The following GRAMD2B variants were observed in gnomAD, a reference collection of about 807,000 sequenced individuals.
GRAMD2B encodes the protein GRAM domain-containing protein 2B.
A neutral mutation model predicts 59.2 loss-of-function variants in GRAMD2B; 41 were observed. The ratio of observed to expected loss-of-function variants is 0.69; its 90% CI spans 0.54 to 0.90. GRAMD2B has a LOEUF of 0.90. Ranked by LOEUF, GRAMD2B falls within the 40% of genes least tolerant of loss-of-function variation. The pLI, the probability that GRAMD2B is intolerant of heterozygous loss-of-function variation, is 0.00. For synonymous variants in GRAMD2B, 161 were observed against 182.7 expected, an observed-to-expected ratio of 0.88 and a Z score of 0.96; for missense variants, 424 against 500.5, an observed-to-expected ratio of 0.85 and a Z score of 1.46.
intron 1 of GRAMD2B, among the ~76,000 whole-genome samples, chr5:126,360,677 A>T (rs528127684): frequency 5.9e-5 from 9 of 152,294 alleles, no homozygotes; most frequent in African/African-American, 1.4e-4. Context: ...CCCTGATACA[A>T]GTACATTTTG....
chr5:126,416,733 T>G (rs1759297602), intron 1 of GRAMD2B, among the ~76,000 whole-genome samples: 1 of 152,176 alleles, frequency 6.6e-6, no homozygotes, highest in African/African-American at 2.4e-5. Flanking sequence ...GGTCTGTACC[T>G]TCGCTCTTCC....
intron 5 of GRAMD2B, among the ~76,000 whole-genome samples, chr5:126,475,602 T>C (rs1453173338): frequency 6.6e-6 from 1 of 152,212 alleles, no homozygotes; most frequent in African/African-American, 2.4e-5. Context: ...TCTTCCAGCC[T>C]AGATCATTGA....
intron 1 of GRAMD2B, among the ~76,000 whole-genome samples, chr5:126,389,617 A>T (rs1435643027): frequency 6.6e-6 from 1 of 152,240 alleles, no homozygotes; most frequent in Non-Finnish European, 1.5e-5. Flanking sequence ...TTCACAGCGT[A>T]AGATTATTAT....
intron 1 of GRAMD2B, among the ~76,000 whole-genome samples, chr5:126,436,376 C>T (rs918639361): frequency 6.6e-5 from 10 of 152,098 alleles, no homozygotes; most frequent in African/African-American, 1.2e-4. Flanking sequence ...AGGCCCGGTG[C>T]GGTGACTCAC....
intron 13 of GRAMD2B, among the ~76,000 whole-genome samples, chr5:126,491,798 A>G (rs974473819): frequency 1.3e-5 from 2 of 151,826 alleles, no homozygotes; most frequent in African/African-American, 2.4e-5. Flanking sequence ...CAGTGCCGCA[A>G]TCTTGGCTCA....
chr5:126,446,000 A>G (rs1764152326), intron 1 of GRAMD2B, among the ~76,000 whole-genome samples: 1 of 152,058 alleles, frequency 6.6e-6, no homozygotes, highest in African/African-American at 2.4e-5. Flanking sequence ...GAGAACAGGA[A>G]CTCTCCCAAG....
In GRAMD2B at chr5:126,423,534, C is replaced by G; in HGVS notation, c.-73C>G. The G allele has an allele frequency of 6.4e-7, 1 of 1,565,288 alleles. No homozygotes were observed. Among genetic ancestry groups the G allele is most frequent in the South Asian group, 1.2e-5 (1 of 84,986 alleles). On this transcript the variant is annotated 5_prime_UTR_variant, in exon 1 of 14. Coordinates refer to ENST00000285689, the MANE Select transcript of GRAMD2B (RefSeq NM_023927.4). ...CGCTTGCTTGGCCTGCGCACCCGGA[C>G]CTAGAAGCCGGGACGAGCCGGGGCA...
At chr5:126,485,854 CTA>C in intron 11 of GRAMD2B, 81 bp downstream of exon 11, 2 of 799,242 alleles carry the variant, frequency 2.5e-6, no homozygotes, top group South Asian at 1.7e-5. Flanking sequence ...CTGCCAAGAC[CTA>C]CTGTAAATCT....
intron 1 of GRAMD2B, among the ~76,000 whole-genome samples, chr5:126,403,112 A>C (rs2112480): frequency 0.8 from 121,385 of 151,800 alleles, 49,077 homozygotes; most frequent in Non-Finnish European, 0.86. Flanking sequence ...AGCCAGTTCT[A>C]CATCTCTCTG....
Position 126,414,878 on chromosome 5 carries a change from A to G in GRAMD2B, c.125+43311A>G, listed in dbSNP as rs191274409. Among the ~76,000 whole-genome samples the G allele has an allele frequency of 1.5e-3, 231 of 152,238 alleles. 1 individual carries two copies. The highest frequency in any genetic ancestry group is 5.2e-3 in the African/African-American group (215 of 41,566). The stretch of plus-strand genomic sequence containing the variant: ...AGACTTCAATAACTACCCTCTCCTC[A>G]TGAAAATTTTTTTAAGGTTTTGCAA... On this transcript the variant is annotated intron_variant, in intron 1 of 8. Coordinates refer to the GRAMD2B transcript ENST00000506445.
intron 5 of GRAMD2B, among the ~76,000 whole-genome samples, chr5:126,475,195 G>A (rs574945554): frequency 2.0e-5 from 3 of 152,280 alleles, no homozygotes; most frequent in African/African-American, 7.2e-5. Flanking sequence ...ATTTTCAGAT[G>A]CCAGTAAAAT....
chr5:126,446,497 G>A (rs1481362195), intron 1 of GRAMD2B, among the ~76,000 whole-genome samples: 1 of 151,646 alleles, frequency 6.6e-6, no homozygotes, highest in Admixed American at 6.6e-5. Context: ...CAGTCTGAGT[G>A]TTTCTAATAA....
At chr5:126,409,397 G>T (rs1580832979) in intron 1 of GRAMD2B, among the ~76,000 whole-genome samples, 1 of 152,166 alleles carries the variant, frequency 6.6e-6, no homozygotes, top group East Asian at 1.9e-4. Context: ...GTATGAGATG[G>T]TATCTCACTG....
At chr5:126,362,769 G>A (rs1486728768) in intron 1 of GRAMD2B, among the ~76,000 whole-genome samples, 2 of 152,108 alleles carry the variant, frequency 1.3e-5, no homozygotes, top group Non-Finnish European at 2.9e-5. Context: ...ATAGTGCCAG[G>A]ACAATATTCT....
intron 1 of GRAMD2B, chr5:126,433,402 G>C (rs1761894174): frequency 6.6e-6 from 1 of 152,216 alleles, no homozygotes; most frequent in Admixed American, 6.5e-5. Context: ...GAAGGGCAAA[G>C]ATGCAGAAGA....
chr5:126,450,539 G>A (rs1321208856), intron 1 of GRAMD2B, among the ~76,000 whole-genome samples: 5 of 151,518 alleles, frequency 3.3e-5, no homozygotes, highest in African/African-American at 1.2e-4. Flanking sequence ...CTCACTCTGG[G>A]TTATCATTTC....
intron 1 of GRAMD2B, among the ~76,000 whole-genome samples, chr5:126,415,130 G>C (rs568391597): frequency 3.0e-4 from 45 of 152,264 alleles, no homozygotes; most frequent in Non-Finnish European, 4.7e-4. Context: ...TTCCAGCCTA[G>C]AGCCTGTTCT....
Position 126,423,570 on chromosome 5 carries a change from C to A in GRAMD2B, c.-37C>A. ...GGACGAGCCGGGGCAGAGCCAGGCG[C>A]GCGGAAGTCTGAAGGTGCCCTCCAG... On this transcript the variant is annotated 5_prime_UTR_variant, in exon 1 of 14. Transcript: ENST00000285689. The A allele has an allele frequency of 6.3e-7, 1 of 1,599,614 alleles. No individual in the cohort carries two copies. Among genetic ancestry groups the A allele is most frequent in the Non-Finnish European group, 8.5e-7 (1 of 1,173,990 alleles).
At chr5:126,378,595 G>C (rs1755397824) in intron 1 of GRAMD2B, among the ~76,000 whole-genome samples, 1 of 152,102 alleles carries the variant, frequency 6.6e-6, no homozygotes, top group South Asian at 2.1e-4. Context: ...CAACAGATCT[G>C]TTTTTTCTAT....
Sources: gnomAD v4.1 joint callset for allele counts (sites outside exome capture counted in the v4.1 genomes callset) on GRCh38, gnomAD v4.1.1 for gene constraint, MANE v1.5 for transcripts, NCBI Gene and HGNC (gene_info 2026-07-23, HGNC 2026-07-21) for gene names.